The following STAG1 variants were observed in gnomAD, a reference collection of about 807,000 sequenced individuals.
STAG1 encodes cohesin subunit SA-1.
Under a neutral mutation model 170.9 loss-of-function variants are expected in STAG1, and 26 were observed. The observed-to-expected ratio is 0.15, with a 90% CI of 0.11 to 0.21. The LOEUF (loss-of-function observed/expected upper bound fraction) is 0.21, where lower values mean the gene tolerates loss of function less well. STAG1 is among the 10% of genes least tolerant of loss of function. STAG1 has a pLI of 1.00. For synonymous variants in STAG1, 514 were observed against 497.7 expected (o/e 1.03, Z -0.44); for missense variants, 964 against 1,509.5 (o/e 0.64, Z 5.99).
chr3:136,486,476 C>G (rs1244687612), intron 9 of STAG1, among the ~76,000 whole-genome samples: 5 of 152,162 alleles, frequency 3.3e-5, no homozygotes, highest in Non-Finnish European at 4.4e-5. Flanking sequence ...ATCTATAAAA[C>G]ATCCAAATCA....
intron 13 of STAG1, among the ~76,000 whole-genome samples, chr3:136,463,318 T>A (rs1156366278): frequency 6.6e-6 from 1 of 152,174 alleles, no homozygotes; most frequent in Non-Finnish European, 1.5e-5. Context: ...GAGAACAATT[T>A]GTTATTGTAG....
intron 1 of STAG1, among the ~76,000 whole-genome samples, chr3:136,668,723 T>G (rs1026118464): frequency 6.6e-6 from 1 of 152,044 alleles, no homozygotes; most frequent in Non-Finnish European, 1.5e-5. Flanking sequence ...GACCGTAGTA[T>G]CTACTGGGAT....
At chr3:136,738,503 T>G (rs2107948093) in intron 1 of STAG1, among the ~76,000 whole-genome samples, 1 of 152,016 alleles carries the variant, frequency 6.6e-6, no homozygotes, top group Non-Finnish European at 1.5e-5. Flanking sequence ...AAATAATAAC[T>G]AGCTGGACAC....
rs553265733 is a variant in STAG1, at chr3:136,708,622, T to G, written c.-84+43573A>C. On this transcript the variant is annotated intron_variant, in intron 1 of 33. Coordinates refer to ENST00000383202, the MANE Select transcript of STAG1 (RefSeq NM_005862.3). Reference sequence around the variant, plus strand: ...ATGGTTAAATATATGTTATGTGAATTTCATCTCAATAAAAAAAGACTCAGT... The same window carrying G: ...ATGGTTAAATATATGTTATGTGAATGTCATCTCAATAAAAAAAGACTCAGT... Among the ~76,000 whole-genome samples the G allele has an allele frequency of 2.0e-5, 3 of 152,202 alleles. No individual in the cohort carries two copies. In the East Asian group the frequency reaches 5.8e-4, roughly 29 times the overall value.
intron 4 of STAG1, among the ~76,000 whole-genome samples, chr3:136,570,467 A>C (rs1937229305): frequency 6.6e-6 from 1 of 152,212 alleles, no homozygotes; most frequent in Non-Finnish European, 1.5e-5. Context: ...TACTCTTTGC[A>C]GTTTAGGGCT....
At chr3:136,637,961 A>G (rs944640042) in intron 1 of STAG1, among the ~76,000 whole-genome samples, 18 of 151,106 alleles carry the variant, frequency 1.2e-4, no homozygotes, top group African/African-American at 3.9e-4. Flanking sequence ...GCAGCCTCCA[A>G]CTCCTGGGCC....
At chr3:136,368,939 C>T (rs575822303) in intron 24 of STAG1, among the ~76,000 whole-genome samples, 169 bp downstream of exon 24, 75 of 152,230 alleles carry the variant, frequency 4.9e-4, no homozygotes, top group Non-Finnish European at 3.2e-4. Flanking sequence ...AATCCTCCTG[C>T]CTCAGTCTCC....
At chr3:136,612,451 A>T (rs1488798020) in intron 3 of STAG1, among the ~76,000 whole-genome samples, 3 of 152,134 alleles carry the variant, frequency 2.0e-5, no homozygotes, top group Non-Finnish European at 4.4e-5. Context: ...ACAAAAAAAT[A>T]AAAAAATTTA....
At chr3:136,713,155 T>C (rs113419823) in intron 1 of STAG1, among the ~76,000 whole-genome samples, 167 of 152,244 alleles carry the variant, frequency 1.1e-3, no homozygotes, top group African/African-American at 3.6e-3. Flanking sequence ...CTAAAAATAA[T>C]GTAATATCCA....
rs529642988 is a variant in STAG1 at position 136,639,267 on chromosome 3, C to G, written c.-83-8286G>C. 2.8e-4 allele frequency among the ~76,000 whole-genome samples: 42 copies of G among 151,266 alleles called. 1 individual carries two copies. The South Asian group carries it at 4.2e-3, about 15-fold the overall frequency. On this transcript the variant is annotated intron_variant, in intron 1 of 33. Coordinates refer to ENST00000383202, the MANE Select transcript of STAG1 (RefSeq NM_005862.3). ...GGAGGGTCACTTGAGGCGAGGAGGT[C>G]AAGGATGCAGTGAGCCATGATTGGG...
chr3:136,538,482 G>C (rs1935749740), intron 6 of STAG1, among the ~76,000 whole-genome samples: 2 of 151,434 alleles, frequency 1.3e-5, no homozygotes, highest in African/African-American at 2.4e-5. Context: ...GCAGTGGTGG[G>C]ATCTCAGCTT....
intron 1 of STAG1, among the ~76,000 whole-genome samples, chr3:136,693,226 T>C (rs541063549): frequency 6.6e-6 from 1 of 152,340 alleles, no homozygotes; most frequent in South Asian, 2.1e-4. Context: ...AGAAAGGTTG[T>C]CAATGGTTTA....
At chr3:136,443,206 T>C in intron 15 of STAG1, 81 bp downstream of exon 15, 1 of 926,754 alleles carries the variant, frequency 1.1e-6, no homozygotes, top group Non-Finnish European at 1.6e-6. Flanking sequence ...ATGCTCATTT[T>C]TAAGAAGCGA....
chr3:136,704,651 A>G (rs143056046), intron 1 of STAG1, among the ~76,000 whole-genome samples: 2 of 151,576 alleles, frequency 1.3e-5, no homozygotes, highest in African/African-American at 2.4e-5. Context: ...AACATAACAA[A>G]ACTCCGTCTC....
intron 13 of STAG1, among the ~76,000 whole-genome samples, chr3:136,456,114 T>C (rs1035393018): frequency 3.3e-5 from 5 of 152,090 alleles, no homozygotes. Context: ...TCAACTTAAG[T>C]CAGGGAAATA....
At chr3:136,436,583 A>G (rs1352517736) in intron 15 of STAG1, among the ~76,000 whole-genome samples, 1 of 152,138 alleles carries the variant, frequency 6.6e-6, no homozygotes, top group African/African-American at 2.4e-5. Flanking sequence ...GCCCAGCCTT[A>G]AACTCAGATT....
intron 1 of STAG1, among the ~76,000 whole-genome samples, chr3:136,644,445 CA>C (rs1200829793): frequency 1.3e-5 from 2 of 152,198 alleles, no homozygotes; most frequent in South Asian, 2.1e-4. Context: ...TGCCTCTGAT[CA>C]GGTTTCTCCT....
At chr3:136,422,148 T>C (rs2087976731) in intron 19 of STAG1, among the ~76,000 whole-genome samples, 1 of 97,430 alleles carries the variant, frequency 1.0e-5, no homozygotes, top group Non-Finnish European at 2.1e-5. Flanking sequence ...AGCAAGACTC[T>C]GCCTCAAAAA....
chr3:136,674,955 G>T (rs1312167697), intron 1 of STAG1, among the ~76,000 whole-genome samples: 1 of 152,034 alleles, frequency 6.6e-6, no homozygotes, highest in Non-Finnish European at 1.5e-5. Context: ...TGGGGGTTGG[G>T]GGGAGCCGGA....
Sources: gnomAD v4.1 joint callset for allele counts (sites outside exome capture counted in the v4.1 genomes callset) on GRCh38, gnomAD v4.1.1 for gene constraint, MANE v1.5 for transcripts, NCBI Gene and HGNC (gene_info 2026-07-23, HGNC 2026-07-21) for gene names.